Variants in DIAPH2 observed in about 807,000 individuals in gnomAD.
DIAPH2 encodes the protein protein diaphanous homolog 2.
DIAPH2 carries 35 observed loss-of-function variants against 92.7 expected under a neutral mutation model. The ratio of observed to expected loss-of-function variants is 0.38; its 90% confidence interval spans 0.29 to 0.50. The LOEUF is 0.50. DIAPH2 is among the 20% of genes least tolerant of loss of function. The probability of loss-of-function intolerance (pLI) is 0.94; values close to 1 mark genes in which losing one functional copy is unlikely to be tolerated. For missense variants in DIAPH2, 701 were observed against 819.5 expected, an observed-to-expected ratio of 0.86 and a Z score of 1.77; for synonymous variants, 301 against 280.4, an observed-to-expected ratio of 1.07 and a Z score of -0.73.
chrX:97,130,439 G>T (rs1368404459), intron 21 of DIAPH2, among the ~76,000 whole-genome samples: 3 of 111,487 alleles, frequency 2.7e-5, no homozygotes, highest in Non-Finnish European at 5.6e-5. Context: ...ATGAAACTCT[G>T]GTATATGTTA....
At chrX:97,124,024 T>C (rs750895482) in intron 21 of DIAPH2, among the ~76,000 whole-genome samples, 15 of 112,278 alleles carry the variant, frequency 1.3e-4, no homozygotes, top group African/African-American at 4.8e-4. Flanking sequence ...TTTTTCCAAA[T>C]GGTCATACAT....
At chrX:96,840,355 G>A (rs1220021049) in intron 4 of DIAPH2, among the ~76,000 whole-genome samples, 1 of 111,727 alleles carries the variant, frequency 9.0e-6, no homozygotes, top group Non-Finnish European at 1.9e-5. Flanking sequence ...AAATCCAGGT[G>A]AGAGGAGCTG....
In DIAPH2 at chrX:96,953,307, C is replaced by G. The variant is rs182229998; in HGVS notation, c.1614+4268C>G. On this transcript the variant is annotated intron_variant, in intron 15 of 26. Transcript: ENST00000324765. ...GATGTCTGTAATACAGACATTTGTACAAACTACTACAATTACTGATGCCTT... is the reference window on the plus strand; with the variant it reads ...GATGTCTGTAATACAGACATTTGTAGAAACTACTACAATTACTGATGCCTT... Among the ~76,000 whole-genome samples the G allele has an allele frequency of 4.5e-5, 5 of 111,568 alleles. No homozygotes were observed. In the East Asian group the frequency reaches 1.4e-3, roughly 31 times the overall value.
chrX:96,921,021 A>T (rs1436824153), intron 9 of DIAPH2, among the ~76,000 whole-genome samples: 1 of 112,187 alleles, frequency 8.9e-6, no homozygotes, highest in Non-Finnish European at 1.9e-5. Flanking sequence ...CAAAAGTTTA[A>T]ATCTGTTGTT....
intron 25 of DIAPH2, among the ~76,000 whole-genome samples, chrX:97,421,511 C>T (rs755606040): frequency 8.9e-6 from 1 of 111,867 alleles, no homozygotes; most frequent in East Asian, 2.8e-4. Flanking sequence ...CACTTGTCAT[C>T]GCCTTCTTAT....
At chrX:97,078,962 G>A (rs923615424) in intron 19 of DIAPH2, among the ~76,000 whole-genome samples, 68 of 110,871 alleles carry the variant, frequency 6.1e-4, no homozygotes, top group Admixed American at 1.5e-3. Flanking sequence ...GAGAAAGAGC[G>A]CATAAAAGAT....
Position 96,907,752 on chromosome X carries a change from A to G in DIAPH2, c.588-4576A>G, listed in dbSNP as rs1365534141. Among the ~76,000 whole-genome samples the G allele has an allele frequency of 7.1e-5, 8 of 112,120 alleles. No homozygotes were observed. In the East Asian group the frequency reaches 1.7e-3, roughly 23 times the overall value. On this transcript the variant is annotated intron_variant, in intron 5 of 26. Coordinates refer to ENST00000324765, the MANE Select transcript of DIAPH2 (RefSeq NM_006729.5). ...TTAAACCGTTAAACATCTACTTACC[A>G]TAAGACCCAGCTGTTCCACTCCTAG...
At chrX:96,992,942 C>G (rs1238265736) in intron 17 of DIAPH2, among the ~76,000 whole-genome samples, 4 of 112,315 alleles carry the variant, frequency 3.6e-5, no homozygotes, top group South Asian at 3.7e-4. Flanking sequence ...CCCAAAAGAC[C>G]TGGTGGGATA....
At chrX:97,422,721 C>T (rs2070021936) in intron 25 of DIAPH2, among the ~76,000 whole-genome samples, 1 of 111,890 alleles carries the variant, frequency 8.9e-6, no homozygotes, top group Admixed American at 9.5e-5. Flanking sequence ...AACTGGAATA[C>T]AGTCTTAGGA....
At chrX:97,535,191 T>C (rs2071086516) in intron 26 of DIAPH2, among the ~76,000 whole-genome samples, 1 of 112,240 alleles carries the variant, frequency 8.9e-6, no homozygotes, top group South Asian at 3.7e-4. Context: ...TAATGATGAC[T>C]TATCAATGTT....
At chrX:96,849,705 T>C (rs2064995022) in intron 4 of DIAPH2, among the ~76,000 whole-genome samples, 1 of 112,025 alleles carries the variant, frequency 8.9e-6, no homozygotes, top group Admixed American at 9.5e-5. Flanking sequence ...TAAAATCCTT[T>C]CTCATGAATG....
chrX:96,888,481 T>C (rs2065279957), intron 5 of DIAPH2, among the ~76,000 whole-genome samples: 1 of 104,539 alleles, frequency 9.6e-6, no homozygotes, highest in Non-Finnish European at 1.9e-5. Context: ...TATATATATA[T>C]AACACAGATA....
At chrX:97,319,412 G>A (rs1451891605) in intron 23 of DIAPH2, among the ~76,000 whole-genome samples, 3 of 103,630 alleles carry the variant, frequency 2.9e-5, no homozygotes, top group African/African-American at 1.1e-4. Context: ...TTTTTGAGAC[G>A]GAGTCTCGCT....
chrX:96,785,512 G>A (rs1283824733), intron 4 of DIAPH2, among the ~76,000 whole-genome samples: 1 of 55,364 alleles, frequency 1.8e-5, no homozygotes, highest in Non-Finnish European at 3.2e-5. Flanking sequence ...ACAGAGTTTC[G>A]CTCTTGTTGC....
chrX:96,842,771 A>G (rs233221), intron 4 of DIAPH2, among the ~76,000 whole-genome samples: 28,401 of 105,515 alleles, frequency 0.27, 2,789 homozygotes, highest in East Asian at 0.44. Flanking sequence ...ATTTGAAAGT[A>G]CAGATGTAGA....
chrX:96,849,746 G>A (rs5967383), intron 4 of DIAPH2, among the ~76,000 whole-genome samples: 41,972 of 109,777 alleles, frequency 0.38, 6,442 homozygotes, highest in African/African-American at 0.59. Flanking sequence ...GAATACTTTT[G>A]GACTGACAAC....
intron 21 of DIAPH2, among the ~76,000 whole-genome samples, chrX:97,137,265 T>TTATATATATA (rs748631722): frequency 6.7e-5 from 2 of 30,066 alleles, no homozygotes; most frequent in South Asian, 2.2e-3. Context: ...ATAAACGCAG[T>TTATATATATA]TATACATATA....
intron 26 of DIAPH2, among the ~76,000 whole-genome samples, chrX:97,538,173 C>T (rs1396385207): frequency 5.4e-5 from 6 of 111,059 alleles, no homozygotes; most frequent in Non-Finnish European, 1.1e-4. Context: ...TGTGAGCCAC[C>T]GCGCCCAGCC....
Position 97,390,208 on chromosome X carries a change from C to CTTTTT in DIAPH2, c.3145+6189_3145+6193dup, listed in dbSNP as rs142044871. Among the ~76,000 whole-genome samples, 105 of 33,190 alleles carry CTTTTT rather than the reference C, an allele frequency of 3.2e-3. 5 individuals carry two copies. Among genetic ancestry groups the CTTTTT allele is most frequent in the East Asian group, 8.9e-3 (6 of 677 alleles). The allele number at this position is 33,190 out of a possible 115,157, so 28.8% of individuals were successfully genotyped here. A position where few individuals can be genotyped will look rare whatever the true frequency, so the allele number is the denominator to read the frequency against. On this transcript the variant is annotated intron_variant, in intron 25 of 26. Transcript: ENST00000324765. The stretch of plus-strand genomic sequence containing the variant: ...GTTTATCTTTTTCCCTGCTTTCTGT[C>CTTTTT]TTTTTTTTTTTTTTTTTTTTTTTTT...
Sources: allele counts gnomAD v4.1 joint callset (sites outside exome capture counted in the v4.1 genomes callset), GRCh38; gene constraint gnomAD v4.1.1; transcripts MANE v1.5; gene names NCBI Gene and HGNC (gene_info 2026-07-23, HGNC 2026-07-21).